The following OPCML variants were observed in gnomAD, a reference collection of about 807,000 sequenced individuals.
The protein encoded by OPCML is opioid binding protein/cell adhesion molecule like.
Under a neutral mutation model 37.8 loss-of-function variants are expected in OPCML, and 13 were observed. The ratio of observed to expected loss-of-function variants is 0.34; its 90% CI spans 0.22 to 0.55. OPCML has a LOEUF of 0.55. Among genes scored for constraint, OPCML ranks in the 20% least tolerant of loss-of-function variants. OPCML has a pLI of 0.91. For missense variants in OPCML, 341 were observed against 435.6 expected (o/e 0.78, Z 1.93); for synonymous variants, 176 against 168.8 (o/e 1.04, Z -0.33).
At chr11:133,026,605 C>A (rs749146706) in intron 1 of OPCML, 4 of 983,932 alleles carry the variant, frequency 4.1e-6, no homozygotes, top group Non-Finnish European at 4.8e-6. Flanking sequence ...TAATGTCCCA[C>A]ATTTTCATAG....
intron 2 of OPCML, among the ~76,000 whole-genome samples, chr11:132,743,473 A>G (rs1247679168): frequency 6.6e-6 from 1 of 152,202 alleles, no homozygotes; most frequent in Non-Finnish European, 1.5e-5. Flanking sequence ...ATCAGAGCAG[A>G]AGATCTTTTT....
At chr11:132,838,853 T>C (rs192899025) in intron 2 of OPCML, among the ~76,000 whole-genome samples, 2,989 of 152,026 alleles carry the variant, frequency 0.02, 40 homozygotes, top group Middle Eastern at 0.037. Flanking sequence ...AGGAGATGAC[T>C]CAGCACCAGG....
intron 2 of OPCML, among the ~76,000 whole-genome samples, chr11:132,730,079 T>A (rs1238433609): frequency 7.1e-6 from 1 of 140,318 alleles, no homozygotes; most frequent in African/African-American, 2.7e-5. Flanking sequence ...AGTGGCACGA[T>A]CTCAGCTCAC....
intron 2 of OPCML, among the ~76,000 whole-genome samples, chr11:132,756,617 A>G (rs181999596): frequency 4.5e-4 from 68 of 152,280 alleles, no homozygotes; most frequent in East Asian, 2.9e-3. Flanking sequence ...GAGAAATATA[A>G]TGATAAACAT....
chr11:133,486,247 C>A (rs1947523525), intron 1 of OPCML, among the ~76,000 whole-genome samples: 1 of 152,148 alleles, frequency 6.6e-6, no homozygotes, highest in African/African-American at 2.4e-5. Context: ...CCACAAATGA[C>A]AAAAATTGAC....
intron 3 of OPCML, among the ~76,000 whole-genome samples, chr11:132,596,372 A>G (rs902842244): frequency 6.6e-6 from 1 of 151,630 alleles, no homozygotes; most frequent in African/African-American, 2.4e-5. Context: ...CTTTTTTTTT[A>G]ACAAAAACTG....
Position 132,592,437 on chromosome 11 carries a change from A to T in OPCML, c.380-63251T>A, listed in dbSNP as rs142272044. Among the ~76,000 whole-genome samples the T allele has an allele frequency of 5.7e-3, 870 of 152,346 alleles. 10 individuals are homozygous for T. Among genetic ancestry groups the T allele is most frequent in the African/African-American group, 0.019 (808 of 41,586 alleles). On this transcript the variant is annotated intron_variant, in intron 3 of 7. Transcript: ENST00000524381. ...AGAAAATGGGGATCCAAGTTACCAT[A>T]ATAGGTTGAGAGACAGCAAAGGGCC... is the stretch of plus-strand genomic sequence containing the variant.
At chr11:132,975,576 A>AAAAAAAAC (rs1164335260) in intron 1 of OPCML, among the ~76,000 whole-genome samples, 2 of 117,970 alleles carry the variant, frequency 1.7e-5, no homozygotes, top group Non-Finnish European at 3.5e-5. Flanking sequence ...AAAAAAAAAA[A>AAAAAAAAC]AAAAAAACAA....
chr11:133,498,207 G>C (rs946908955), intron 1 of OPCML, among the ~76,000 whole-genome samples: 8 of 152,174 alleles, frequency 5.3e-5, no homozygotes, highest in African/African-American at 2.4e-5. Context: ...AGAGTCCAGA[G>C]TGAGCCCAGG....
chr11:133,209,740 C>T (rs1301031795), intron 1 of OPCML, among the ~76,000 whole-genome samples: 1 of 152,130 alleles, frequency 6.6e-6, no homozygotes, highest in Non-Finnish European at 1.5e-5. Flanking sequence ...AATGAATAAA[C>T]TAGAGATATC....
At chr11:132,441,165 G>GT (rs68143578) in intron 4 of OPCML, among the ~76,000 whole-genome samples, 4,110 of 72,386 alleles carry the variant, frequency 0.057, 527 homozygotes, top group South Asian at 0.068. Context: ...GGACTTTTTT[G>GT]TTTTTTTTTT....
At chr11:133,156,213 C>T (rs1222594400) in intron 1 of OPCML, among the ~76,000 whole-genome samples, 3 of 152,122 alleles carry the variant, frequency 2.0e-5, no homozygotes, top group Non-Finnish European at 4.4e-5. Flanking sequence ...TAATCCCCAC[C>T]CTCTTACAAC....
chr11:133,404,673 C>A (rs1383332956), intron 1 of OPCML, among the ~76,000 whole-genome samples: 1 of 152,160 alleles, frequency 6.6e-6, no homozygotes. Flanking sequence ...CCAAGTATCA[C>A]GGGAGACCAG....
intron 7 of OPCML, 40 bp from the exon 8 acceptor site, chr11:132,420,333 C>A: frequency 6.2e-7 from 1 of 1,607,496 alleles, no homozygotes; most frequent in Non-Finnish European, 8.5e-7. Context: ...TAGCATACAC[C>A]CAAGGACACC....
intron 4 of OPCML, among the ~76,000 whole-genome samples, chr11:132,505,345 T>C (rs958077558): frequency 3.3e-5 from 5 of 152,190 alleles, no homozygotes; most frequent in Admixed American, 6.5e-5. Context: ...ACTCAATTCA[T>C]GTGATCGAGC....
intron 1 of OPCML, among the ~76,000 whole-genome samples, chr11:133,141,060 A>C (rs1009064833): frequency 1.3e-4 from 11 of 81,932 alleles, no homozygotes; most frequent in African/African-American, 2.6e-4. Flanking sequence ...AAGAAGAAGA[A>C]GAAGAAGAAG....
chr11:132,905,100 C>T (rs967921727), intron 2 of OPCML, among the ~76,000 whole-genome samples: 7 of 152,064 alleles, frequency 4.6e-5, no homozygotes, highest in African/African-American at 7.2e-5. Context: ...GTTTACACAA[C>T]ACTACTGTGG....
chr11:133,446,480 G>A (rs1299934088), intron 1 of OPCML, among the ~76,000 whole-genome samples: 3 of 152,018 alleles, frequency 2.0e-5, no homozygotes, highest in Non-Finnish European at 4.4e-5. Flanking sequence ...GCTGTAGTGT[G>A]GTGGTGTAGT....
intron 4 of OPCML, among the ~76,000 whole-genome samples, chr11:132,504,732 A>G (rs546496852): frequency 6.6e-6 from 1 of 152,000 alleles, no homozygotes; most frequent in Non-Finnish European, 1.5e-5. Context: ...AGAGGGTAAG[A>G]CACAGGGTAA....
Sources: allele counts gnomAD v4.1 joint callset (sites outside exome capture counted in the v4.1 genomes callset), GRCh38; gene constraint gnomAD v4.1.1; transcripts MANE v1.5; gene names NCBI Gene and HGNC (gene_info 2026-07-23, HGNC 2026-07-21).